Variants in COL6A1 observed in about 807,000 individuals in gnomAD.
COL6A1 encodes the protein collagen type VI alpha 1 chain, also known as collagen alpha-1(VI) chain.
COL6A1 carries 80 observed loss-of-function variants against 145.6 expected under a neutral mutation model. The ratio of observed to expected loss-of-function variants is 0.55; its 90% CI spans 0.46 to 0.66. The LOEUF is 0.66. COL6A1 is among the 30% of genes least tolerant of loss of function. The probability of loss-of-function intolerance (pLI) is 0.00; values close to 1 mark genes in which losing one functional copy is unlikely to be tolerated. For missense variants in COL6A1, 1,364 were observed against 1,473.8 expected (o/e 0.93, Z 1.22); for synonymous variants, 638 against 622.8 (o/e 1.02, Z -0.36).
intron 2 of COL6A1, among the ~76,000 whole-genome samples, chr21:45,983,444 G>A (rs1221221000): frequency 2.0e-5 from 3 of 152,154 alleles, no homozygotes; most frequent in Non-Finnish European, 1.5e-5. Context: ...GGTCCTGGCA[G>A]TGGGGACACA....
rs189148282 is a variant in COL6A1, at chr21:46,001,772, G to A, written c.1957-189G>A. 3.9e-3 allele frequency among the ~76,000 whole-genome samples: 597 copies of A among 152,176 alleles called. 3 individuals are homozygous for A. The highest frequency in any genetic ancestry group is 6.0e-3 in the Non-Finnish European group (409 of 67,960). ...ACCCTCTGGGCACCCGGAGCCAATC[G>A]CAGGGTACCCAGGTCCCGGGGGCTG... On this transcript the variant is annotated intron_variant, in intron 30 of 34. Coordinates refer to ENST00000361866, the MANE Select transcript of COL6A1 (RefSeq NM_001848.3).
In COL6A1 at chr21:45,994,115, C is replaced by A; in HGVS notation, c.1336-52C>A. Reference sequence around the variant, plus strand: ...GTGGCTCCCAGCGTGCCCGGGCAGCCATCCTCCCCAAGGATGGCCCAGCTC... The same window carrying A: ...GTGGCTCCCAGCGTGCCCGGGCAGCAATCCTCCCCAAGGATGGCCCAGCTC... On this transcript the variant is annotated intron_variant, in intron 19 of 34. Transcript: ENST00000361866. The surrounding 1 kb of genome is among the most constrained non-coding windows in gnomAD (Gnocchi z 6.8). The A allele has an allele frequency of 6.4e-7, 1 of 1,553,028 alleles. No homozygotes were observed.
intron 13 of COL6A1, 131 bp from the exon 14 acceptor site, chr21:45,990,642 A>G: frequency 1.2e-6 from 1 of 860,560 alleles, no homozygotes; most frequent in Non-Finnish European, 1.9e-6. Context: ...AGGTGACCCC[A>G]GGGGGGTGTC....
Position 45,982,627 on chromosome 21 carries a change from C to A in COL6A1, c.98-7C>A. ...CTTGAAGGCCCCTCTCCTCCATCTTCGGCCAGACTGCCCCGTGGACCTGTT... is the reference window on the plus strand; with the variant it reads ...CTTGAAGGCCCCTCTCCTCCATCTTAGGCCAGACTGCCCCGTGGACCTGTT... On this transcript the variant is annotated splice_polypyrimidine_tract_variant and splice_region_variant and intron_variant, in intron 1 of 34. Transcript: ENST00000361866. 6.2e-7 allele frequency: 1 copy of A among 1,612,794 alleles called. No individual in the cohort carries two copies. The highest frequency in any genetic ancestry group is 1.3e-5 in the African/African-American group (1 of 75,056).
intron 3 of COL6A1, among the ~76,000 whole-genome samples, chr21:45,985,500 A>G (rs2077734386): frequency 6.6e-6 from 1 of 152,216 alleles, no homozygotes; most frequent in Non-Finnish European, 1.5e-5. Context: ...AAGCAGGGCT[A>G]GGATCACTGA....
At chr21:45,998,703 G>A (rs1398791934) in intron 24 of COL6A1, among the ~76,000 whole-genome samples, 194 bp from the exon 25 acceptor site, 5 of 152,240 alleles carry the variant, frequency 3.3e-5, no homozygotes, top group Non-Finnish European at 5.9e-5. Flanking sequence ...CGCAGGGCAG[G>A]CCCAGCCCCA....
At chr21:45,992,500 C>G (rs1271538187) in intron 18 of COL6A1, 102 bp downstream of exon 18, 25 of 1,395,958 alleles carry the variant, frequency 1.8e-5, no homozygotes, top group Non-Finnish European at 2.4e-5. Flanking sequence ...GAGCCATGGC[C>G]TCCTGCCCAA....
chr21:45,999,661 C>A lies in COL6A1; in HGVS notation c.1745C>A (p.Pro582His). 6.2e-7 allele frequency: 1 copy of A among 1,613,470 alleles called. No homozygotes were observed. The highest frequency in any genetic ancestry group is 8.5e-7 in the Non-Finnish European group (1 of 1,179,924). ...GYRGPEGPQG[P>H]PGHQGPPGPD... ...TCTACTCCGTTTCTCGGACAGGGACCCCCAGGACACCAAGGACCGCCTGGG... is the reference window on the plus strand; with the variant it reads ...TCTACTCCGTTTCTCGGACAGGGACACCCAGGACACCAAGGACCGCCTGGG... Residue 582 changes from proline (P) to histidine (H), a missense_variant, in exon 27 of 35, where the codon CCC becomes CAC. This residue lies in a region of COL6A1 where 938 missense variants were observed against 1,003.8 expected (regional missense o/e 0.93). Coordinates refer to ENST00000361866, the MANE Select transcript of COL6A1 (RefSeq NM_001848.3).
Position 46,003,764 on chromosome 21 carries a change from C to T in COL6A1, c.2838C>T (p.Asn946=). 1.2e-6 allele frequency: 2 copies of T among 1,612,806 alleles called. No homozygotes were observed. The highest frequency in any genetic ancestry group is 1.7e-6 in the Non-Finnish European group (2 of 1,179,840). Residue 946 remains asparagine (N), a synonymous_variant, in exon 35 of 35, where the codon AAC becomes AAT. Transcript: ENST00000361866. The part of the protein sequence containing the change: ...KKRLLLFSDG[N]SQGATPAAIE... Reference sequence around the variant, plus strand: ...GGCTGCTGCTCTTCTCAGATGGCAACTCGCAGGGCGCCACGCCCGCTGCCA... The same window carrying T: ...GGCTGCTGCTCTTCTCAGATGGCAATTCGCAGGGCGCCACGCCCGCTGCCA...
At position 45,994,091 on chromosome 21, in the gene COL6A1, T is replaced by C; in HGVS notation, c.1336-76T>C. The C allele has an allele frequency of 1.4e-6, 2 of 1,418,478 alleles. No individual in the cohort carries two copies. The highest frequency in any genetic ancestry group is 2.0e-6 in the Non-Finnish European group (2 of 1,025,542). The allele number at this position is 1,418,478 out of a possible 1,614,324, so 87.9% of individuals were successfully genotyped here. ...CAGTGACCACCTGGACAGCATGCTG[T>C]GGCTCCCAGCGTGCCCGGGCAGCCA... On this transcript the variant is annotated intron_variant, in intron 19 of 34. Coordinates refer to ENST00000361866, the MANE Select transcript of COL6A1 (RefSeq NM_001848.3). This position sits in a 1 kb window ranked among gnomAD's most constrained non-coding sequence, Gnocchi z 6.8.
intron 11 of COL6A1, 45 bp from the exon 12 acceptor site, chr21:45,990,213 T>C (rs773625062): frequency 4.2e-5 from 44 of 1,039,854 alleles, no homozygotes; most frequent in Non-Finnish European, 5.2e-5. Context: ...TGCCCTGCCC[T>C]CCCCACCCCA....
At chr21:45,999,796 G>GA (rs1434906510) in intron 27 of COL6A1, 104 bp downstream of exon 27, 2 of 963,404 alleles carry the variant, frequency 2.1e-6, no homozygotes, top group Non-Finnish European at 3.1e-6. Context: ...TGCTCACGGG[G>GA]GGGTGGGTTG....
chr21:45,983,477 C>T (rs920415279), intron 2 of COL6A1, among the ~76,000 whole-genome samples: 8 of 152,148 alleles, frequency 5.3e-5, no homozygotes, highest in African/African-American at 1.4e-4. Flanking sequence ...TAGGAACCCC[C>T]GTCCTCCTTG....
chr21:45,990,647 G>T (rs1289789575), intron 13 of COL6A1, 126 bp from the exon 14 acceptor site: 1 of 885,252 alleles, frequency 1.1e-6, no homozygotes, highest in Admixed American at 1.8e-5. Context: ...ACCCCAGGGG[G>T]GTGTCTGCTA....
chr21:45,998,530 G>A lies in COL6A1; in HGVS notation c.1611+97G>A, dbSNP rs377294772. The A allele has an allele frequency of 6.6e-4, 1,014 of 1,546,584 alleles. 2 individuals are homozygous for A. Among genetic ancestry groups the A allele is most frequent in the African/African-American group, 8.1e-4 (60 of 73,778 alleles). On this transcript the variant is annotated intron_variant, in intron 24 of 34. Transcript: ENST00000361866. Reference sequence around the variant, plus strand: ...AACACACATGTGCACACAGGCTCCCGAGCAAACACACGGGGTACACAGGCA... The same window carrying A: ...AACACACATGTGCACACAGGCTCCCAAGCAAACACACGGGGTACACAGGCA...
At position 45,992,038 on chromosome 21, in the gene COL6A1, G is replaced by A. The variant is rs1340579390; in HGVS notation, c.1148G>A (p.Gly383Glu). The change falls in exon 16 of 35, where the codon GGG becomes GAG. Residue 383 changes from glycine to glutamate, a missense_variant. Physicochemically the swap from Gly to Glu is moderately conservative, Grantham distance 98. Transcript: ENST00000361866. ...GAGCCTGGAGCTGACGGGGAGGCGG[G>A]GAGACCAGGGAGCTCGGGACCATCT... ...KGEPGADGEA[G>E]RPGSSGPSGD... 1 of 1,606,682 alleles carries A rather than the reference G, an allele frequency of 6.2e-7. No homozygotes were observed.
chr21:45,999,624 C>G, intron 26 of COL6A1, 33 bp from the exon 27 acceptor site: 1 of 1,612,326 alleles, frequency 6.2e-7, no homozygotes, highest in Admixed American at 1.7e-5. Flanking sequence ...GGCTCCTCAC[C>G]CTCAGAGCTC....
rs1260230488 is a variant in COL6A1 at position 46,003,449 on chromosome 21, C to T, written c.2523C>T (p.Gly841=). The part of the protein sequence containing the change: ...TILLDGSASV[G]SHNFDTTKRF... The stretch of plus-strand genomic sequence containing the variant: ...TGCTGGACGGCTCCGCCAGCGTGGG[C>T]AGCCACAACTTTGACACCACCAAGC... Residue 841 remains glycine (G), a synonymous_variant, in exon 35 of 35, where the codon GGC becomes GGT. Transcript: ENST00000361866. 5 of 1,605,726 alleles carry T rather than the reference C, an allele frequency of 3.1e-6. No homozygotes were observed. In the East Asian group the frequency reaches 1.1e-4, roughly 36 times the overall value.
chr21:45,990,982 A>T lies in COL6A1; in HGVS notation c.1060A>T (p.Ile354Phe), dbSNP rs1179596064. Residue 354 changes from isoleucine (I) to phenylalanine (F), a missense_variant, in exon 15 of 35, where the codon ATT (isoleucine) becomes TTT (phenylalanine). Coordinates refer to ENST00000361866, the MANE Select transcript of COL6A1 (RefSeq NM_001848.3). ...GCKGSPGFDGIQGPPGPKGDP... is the reference protein window; with the variant it reads ...GCKGSPGFDGFQGPPGPKGDP... Reference sequence around the variant, plus strand: ...CATGCTGCCCTCTTTTCTCCAGGGCATTCAAGGACCCCCTGGCCCCAAGGG... The same window carrying T: ...CATGCTGCCCTCTTTTCTCCAGGGCTTTCAAGGACCCCCTGGCCCCAAGGG... 4 of 1,613,220 alleles carry T rather than the reference A, an allele frequency of 2.5e-6. No homozygotes were observed. The highest frequency in any genetic ancestry group is 1.7e-5 in the Admixed American group (1 of 59,986).
Sources: gnomAD v4.1 joint callset for allele counts (sites outside exome capture counted in the v4.1 genomes callset) on GRCh38, gnomAD v4.1.1 for gene constraint, gnomAD v4.1.1 regional missense constraint, Gnocchi (gnomAD v3.1) non-coding constraint, MANE v1.5 for transcripts, NCBI Gene and HGNC (gene_info 2026-07-23, HGNC 2026-07-21) for gene names.